Variants in IL36A observed in about 807,000 individuals in gnomAD.
The protein encoded by IL36A is interleukin 36 alpha, also known as interleukin-36 alpha.
Under a neutral mutation model 12.7 loss-of-function variants are expected in IL36A, and 13 were observed. The ratio of observed to expected loss-of-function variants is 1.02; its 90% CI spans 0.67 to 1.63. IL36A has a LOEUF of 1.63. IL36A is among the 40% of genes most tolerant of loss of function. The pLI is 0.00. For missense variants in IL36A, 195 were observed against 192.9 expected, an observed-to-expected ratio of 1.01 and a Z score of -0.07; for synonymous variants, 73 against 71.9, an observed-to-expected ratio of 1.01 and a Z score of -0.08.
At chr2:113,011,057 C>A (rs1165033998), downstream of IL36A, among the ~76,000 whole-genome samples, 2 of 152,134 alleles carry the variant, frequency 1.3e-5, no homozygotes, top group South Asian at 2.1e-4. Context: ...GGATTTTCTT[C>A]TTTTTAAAGG....
chr2:113,005,764 T>C lies in IL36A; in HGVS notation c.-108T>C. 7.9e-7 allele frequency: 1 copy of C among 1,268,462 alleles called. No homozygotes were observed. The highest frequency in any genetic ancestry group is 1.2e-6 in the Non-Finnish European group (1 of 865,292). 78.6% of individuals were successfully genotyped at this position (1,268,462 alleles called of 1,614,324 possible). The stretch of plus-strand genomic sequence containing the variant: ...CTGGGCTGGCCGCCAGTCTTTCATC[T>C]GACCCAGGGTTAAACTGTGGCTTGG... On this transcript the variant is annotated 5_prime_UTR_variant, in exon 1 of 4. Transcript: ENST00000259211.
downstream of IL36A, among the ~76,000 whole-genome samples, chr2:113,009,523 G>A (rs1405373907): frequency 6.6e-6 from 1 of 152,086 alleles, no homozygotes; most frequent in Non-Finnish European, 1.5e-5. Flanking sequence ...CATCTCAGTG[G>A]CTCTTTTATG....
chr2:113,006,134 T>C (rs956972756), intron 2 of IL36A, 47 bp downstream of exon 2: 5 of 1,223,260 alleles, frequency 4.1e-6, no homozygotes, highest in South Asian at 1.2e-5. Context: ...GCCAGTGCTG[T>C]TGTGTGTTTG....
At chr2:113,007,699 T>C (rs2105027958) in intron 3 of IL36A, 133 bp from the exon 4 acceptor site, 1 of 660,304 alleles carries the variant, frequency 1.5e-6, no homozygotes, top group Non-Finnish European at 2.7e-6. Context: ...AATCCCATAA[T>C]ATGAAACAGA....
In IL36A at chr2:113,006,067, G is replaced by A. The variant is rs750041642; in HGVS notation, c.104G>A (p.Arg35Lys). Reference sequence around the variant, plus strand: ...GACCAGACGCTCATAGCAGTCCCGAGGAAGGACCGTATGTCTCCAGGTGAG... The same window carrying A: ...GACCAGACGCTCATAGCAGTCCCGAAGAAGGACCGTATGTCTCCAGGTGAG... ...LQDQTLIAVPRKDRMSPVTIA... is the reference protein window; with the variant it reads ...LQDQTLIAVPKKDRMSPVTIA... The change falls in exon 2 of 4, where the codon AGG becomes AAG. Residue 35 changes from arginine to lysine, a missense_variant. By Grantham distance (26) the Arg-to-Lys change is conservative. Transcript: ENST00000259211. The A allele has an allele frequency of 5.0e-6, 8 of 1,612,904 alleles. No homozygotes were observed. Among genetic ancestry groups the A allele is most frequent in the African/African-American group, 1.3e-5 (1 of 74,894 alleles).
chr2:113,007,966 A>AG lies in IL36A; in HGVS notation c.401dup (p.Gly135ArgfsTer17). ...GCTGGTTCATCGCTGTCAGCTCTGAAGGAGGCTGTCCTCTCATCCTTACCC... is the reference window on the plus strand; with the variant it reads ...GCTGGTTCATCGCTGTCAGCTCTGAAGGGAGGCTGTCCTCTCATCCTTACCC... On this transcript the variant is annotated frameshift_variant, in exon 4 of 4. Coordinates refer to ENST00000259211, the MANE Select transcript of IL36A (RefSeq NM_014440.3). LOFTEE classifies it low-confidence loss of function (END_TRUNC). 1 of 1,614,196 alleles carries AG rather than the reference A, an allele frequency of 6.2e-7. No individual in the cohort carries two copies. The highest frequency in any genetic ancestry group is 8.5e-7 in the Non-Finnish European group (1 of 1,180,036).
chr2:113,005,668 G>A lies in IL36A; in HGVS notation c.-204G>A. ...CATAGGTGCAGCTGCTTCTGCTGGA[G>A]GTAGACTGCATCCAACAAAGTAAGG... On this transcript the variant is annotated 5_prime_UTR_variant, in exon 1 of 4. Coordinates refer to ENST00000259211, the MANE Select transcript of IL36A (RefSeq NM_014440.3). 1.6e-6 allele frequency: 1 copy of A among 632,744 alleles called. No homozygotes were observed. The highest frequency in any genetic ancestry group is 2.9e-6 in the Non-Finnish European group (1 of 349,674). 39.2% of individuals were successfully genotyped at this position (632,744 alleles called of 1,614,324 possible). A position where few individuals can be genotyped will look rare whatever the true frequency, so the allele number is the denominator to read the frequency against.
chr2:113,010,942 A>C (rs1238325712), downstream of IL36A, among the ~76,000 whole-genome samples: 2 of 152,154 alleles, frequency 1.3e-5, no homozygotes, highest in Non-Finnish European at 2.9e-5. Flanking sequence ...ACTATTTCAG[A>C]TATCGTATCT....
rs549396308 is a variant in IL36A at position 113,005,772 on chromosome 2, G to T, written c.-100G>T. 8.2e-6 allele frequency: 11 copies of T among 1,341,358 alleles called. No homozygotes were observed. In the African/African-American group the frequency reaches 8.6e-5, roughly 10 times the overall value. The allele number at this position is 1,341,358 out of a possible 1,614,324, so 83.1% of individuals were successfully genotyped here. On this transcript the variant is annotated 5_prime_UTR_variant, in exon 1 of 4. Transcript: ENST00000259211. ...GCCGCCAGTCTTTCATCTGACCCAG[G>T]GTTAAACTGTGGCTTGGGACTGACT...
chr2:113,010,989 T>C (rs1684718225), downstream of IL36A, among the ~76,000 whole-genome samples: 2 of 152,226 alleles, frequency 1.3e-5, no homozygotes, highest in South Asian at 4.1e-4. Context: ...GTTTTGTGAC[T>C]GGCTCATTTC....
At chr2:113,006,760 G>A (rs1466741745) in intron 3 of IL36A, 23 bp downstream of exon 3, 6 of 1,609,342 alleles carry the variant, frequency 3.7e-6, no homozygotes, top group Middle Eastern at 1.7e-4. Context: ...GACAGGTCCT[G>A]CCATTTATTT....
chr2:113,010,262 T>C (rs1210621571), downstream of IL36A, among the ~76,000 whole-genome samples: 1 of 152,230 alleles, frequency 6.6e-6, no homozygotes, highest in African/African-American at 2.4e-5. Flanking sequence ...TGATGTCTTC[T>C]TCCATTCAGC....
downstream of IL36A, among the ~76,000 whole-genome samples, chr2:113,010,034 A>G (rs765512936): frequency 5.3e-5 from 8 of 150,598 alleles, no homozygotes; most frequent in Non-Finnish European, 7.5e-5. Context: ...ATTTTGAAAT[A>G]AGTTTTCTTC....
downstream of IL36A, among the ~76,000 whole-genome samples, chr2:113,010,672 A>G (rs1312586641): frequency 6.6e-6 from 1 of 152,150 alleles, no homozygotes; most frequent in East Asian, 1.9e-4. Context: ...TGCATAAAAC[A>G]TTGCATTTTC....
downstream of IL36A, among the ~76,000 whole-genome samples, chr2:113,009,473 G>A (rs1211695098): frequency 2.6e-5 from 4 of 152,098 alleles, no homozygotes; most frequent in African/African-American, 9.7e-5. Flanking sequence ...TGTTATCACT[G>A]GACCTCAAAA....
At chr2:113,010,181 T>C (rs1017269941), downstream of IL36A, among the ~76,000 whole-genome samples, 2 of 152,346 alleles carry the variant, frequency 1.3e-5, no homozygotes, top group Non-Finnish European at 2.9e-5. Flanking sequence ...GATGTGGAAA[T>C]GCTGTTTTCC....
Position 113,005,895 on chromosome 2 carries a change from T to C in IL36A, c.10+14T>C. ...CAATGGAAAAAGGTAAAGATCCTCG[T>C]GGAAGGGCGAAAAATTGACAAGGGG... On this transcript the variant is annotated intron_variant, in intron 1 of 3. Transcript: ENST00000259211. The C allele has an allele frequency of 6.2e-7, 1 of 1,614,078 alleles. No homozygotes were observed.
chr2:113,008,082 A>T (rs749212808), downstream of IL36A: 3 of 1,525,960 alleles, frequency 2.0e-6, no homozygotes, highest in African/African-American at 4.1e-5. Flanking sequence ...CATGCAGGGA[A>T]AATCTTAGTA....
rs1573353390 is a variant in IL36A, at chr2:113,005,584, C to T, written c.-288C>T. ...CCTCTGATTTTTTTTGCTTCCAGGT[C>T]TTTGGCCTTGGCACTCTTTGTCATA... On this transcript the variant is annotated 5_prime_UTR_variant, in exon 1 of 4. Transcript: ENST00000259211. The T allele has an allele frequency of 1.9e-6, 1 of 538,980 alleles. No homozygotes were observed. The highest frequency in any genetic ancestry group is 3.1e-5 in the East Asian group (1 of 32,036). 33.4% of individuals were successfully genotyped at this position (538,980 alleles called of 1,614,324 possible). A position where few individuals can be genotyped will look rare whatever the true frequency, so the allele number is the denominator to read the frequency against.
Sources: gnomAD v4.1 joint callset for allele counts (sites outside exome capture counted in the v4.1 genomes callset) on GRCh38, gnomAD v4.1.1 for gene constraint, MANE v1.5 for transcripts, NCBI Gene and HGNC (gene_info 2026-07-23, HGNC 2026-07-21) for gene names.